The following NDNF variants were observed in gnomAD, a reference collection of about 807,000 sequenced individuals.
The protein encoded by NDNF is neuron derived neurotrophic factor.
A neutral mutation model predicts 42.0 loss-of-function variants in NDNF; 16 were observed. That is an observed-to-expected ratio of 0.38 (90% CI 0.26 to 0.58). The LOEUF is 0.58. NDNF is among the 20% of genes least tolerant of loss of function. The pLI is 0.67. For missense variants in NDNF, 616 were observed against 666.2 expected, an observed-to-expected ratio of 0.92 and a Z score of 0.83; for synonymous variants, 248 against 251.7, an observed-to-expected ratio of 0.99 and a Z score of 0.14.
At chr4:121,039,157 G>GTATATATATATACGTA (rs1726936964) in intron 3 of NDNF, among the ~76,000 whole-genome samples, 2 of 6,452 alleles carry the variant, frequency 3.1e-4, no homozygotes, top group Non-Finnish European at 1.1e-3. Context: ...ATATATATAT[G>GTATATATATATACGTA]TATATATATA....
rs761414056 is a variant in NDNF, at chr4:121,045,745, C to T, written c.93G>A (p.Gln31=). The T allele has an allele frequency of 6.8e-6, 11 of 1,614,068 alleles. No homozygotes were observed. The South Asian group carries it at 1.1e-4, about 16-fold the overall frequency. The change falls in exon 2 of 4, where the codon CAG becomes CAA. Residue 31 remains glutamine, a synonymous_variant. Transcript: ENST00000379692. ...KLPTRDEELF[Q]MQIRDKAFFH... ...AAAATGCCTTGTCCCGGATCTGCAT[C>T]TGAAAAAGTTCCTCATCCCGGGTGG... is the stretch of plus-strand genomic sequence containing the variant.
chr4:121,037,921 A>G (rs1266198620), intron 3 of NDNF: 7 of 349,848 alleles, frequency 2.0e-5, no homozygotes, highest in Non-Finnish European at 3.1e-5. Flanking sequence ...GAGACTGTAA[A>G]CTTTTGAGAC....
At chr4:121,038,691 T>A (rs928199576) in intron 3 of NDNF, among the ~76,000 whole-genome samples, 1 of 152,030 alleles carries the variant, frequency 6.6e-6, no homozygotes. Flanking sequence ...ACAGATATAT[T>A]AACATCAAGA....
chr4:121,058,507 C>T (rs979940833), intron 1 of NDNF, among the ~76,000 whole-genome samples: 2 of 152,238 alleles, frequency 1.3e-5, no homozygotes, highest in East Asian at 1.9e-4. Context: ...CTCCGAGCCT[C>T]GGTTTCCATG....
In NDNF at chr4:121,072,459, C is replaced by G. The variant is rs953423437; in HGVS notation, c.-468G>C. 1 of 151,844 alleles carries G rather than the reference C, an allele frequency of 6.6e-6. No homozygotes were observed. 9.4% of individuals were successfully genotyped at this position (151,844 alleles called of 1,614,324 possible). A position where few individuals can be genotyped will look rare whatever the true frequency, so the allele number is the denominator to read the frequency against. On this transcript the variant is annotated 5_prime_UTR_variant, in exon 1 of 4. Transcript: ENST00000379692. ...CGCGCGGGGTGCTGGGAGAGCCGGG[C>G]GCACGGGGCGGCAGCGGCCGTGGCG...
At chr4:121,044,039 A>G (rs758252803) in intron 2 of NDNF, among the ~76,000 whole-genome samples, 5 of 152,226 alleles carry the variant, frequency 3.3e-5, no homozygotes, top group Non-Finnish European at 5.9e-5. Context: ...TTAAAGATTC[A>G]AAATTATTTT....
At chr4:121,066,578 T>C (rs1212120584) in intron 1 of NDNF, among the ~76,000 whole-genome samples, 1 of 152,228 alleles carries the variant, frequency 6.6e-6, no homozygotes, top group African/African-American at 2.4e-5. Flanking sequence ...TAGGGCATTG[T>C]CTGTCTTGTA....
chr4:121,063,704 G>T (rs554159398), intron 1 of NDNF, among the ~76,000 whole-genome samples: 2 of 152,116 alleles, frequency 1.3e-5, no homozygotes, highest in East Asian at 3.9e-4. Flanking sequence ...GTGTCGGGGG[G>T]GCCATGGGAG....
At chr4:121,062,014 A>C (rs1018436161) in intron 1 of NDNF, among the ~76,000 whole-genome samples, 1 of 152,236 alleles carries the variant, frequency 6.6e-6, no homozygotes. Context: ...TTATCTTCAA[A>C]TAGTGTAAGC....
chr4:121,067,772 G>C (rs908580236), intron 1 of NDNF, among the ~76,000 whole-genome samples: 1 of 152,060 alleles, frequency 6.6e-6, no homozygotes, highest in Non-Finnish European at 1.5e-5. Context: ...TTTTATTGGG[G>C]GAATTAACAT....
At chr4:121,041,003 G>T (rs1367433401) in intron 2 of NDNF, among the ~76,000 whole-genome samples, 1 of 152,154 alleles carries the variant, frequency 6.6e-6, no homozygotes, top group East Asian at 1.9e-4. Flanking sequence ...ACTTTAAAAA[G>T]TAAAGAGCAC....
chr4:121,062,461 T>C (rs903729368), intron 1 of NDNF, among the ~76,000 whole-genome samples: 2 of 152,148 alleles, frequency 1.3e-5, no homozygotes, highest in African/African-American at 4.8e-5. Context: ...TATTTCTGGA[T>C]TAAGAGATGA....
chr4:121,054,427 G>C (rs1037493249), intron 1 of NDNF, among the ~76,000 whole-genome samples: 1 of 152,136 alleles, frequency 6.6e-6, no homozygotes, highest in Non-Finnish European at 1.5e-5. Flanking sequence ...TGTTCTAGTG[G>C]GAGTGACAGG....
chr4:121,059,225 C>A (rs774509751), intron 1 of NDNF, among the ~76,000 whole-genome samples: 5 of 152,110 alleles, frequency 3.3e-5, no homozygotes, highest in African/African-American at 1.2e-4. Context: ...GAAAAGGAAT[C>A]CTACATATAT....
intron 3 of NDNF, 79 bp from the exon 4 acceptor site, chr4:121,037,736 T>A: frequency 9.9e-7 from 1 of 1,013,134 alleles, no homozygotes; most frequent in South Asian, 1.8e-5. Context: ...CCTTTTATCT[T>A]ATTTTTTCTC....
At chr4:121,053,826 A>G (rs981398222) in intron 1 of NDNF, among the ~76,000 whole-genome samples, 3 of 152,212 alleles carry the variant, frequency 2.0e-5, no homozygotes, top group Admixed American at 6.5e-5. Context: ...TTGTTTGGCA[A>G]CTAAGCCTTA....
chr4:121,051,700 A>G (rs1030720810), intron 1 of NDNF, among the ~76,000 whole-genome samples: 13 of 152,222 alleles, frequency 8.5e-5, no homozygotes, highest in African/African-American at 3.1e-4. Flanking sequence ...TCTGGGTTAA[A>G]CCACTGGTTC....
At chr4:121,059,275 G>A (rs1204249456) in intron 1 of NDNF, among the ~76,000 whole-genome samples, 1 of 152,162 alleles carries the variant, frequency 6.6e-6, no homozygotes, top group East Asian at 1.9e-4. Flanking sequence ...TGACCACAGA[G>A]CCCAACATTA....
chr4:121,036,072 TGG>T lies in NDNF; in HGVS notation c.*190_*191del. The T allele has an allele frequency of 1.8e-6, 1 of 553,154 alleles. No homozygotes were observed. 34.3% of individuals were successfully genotyped at this position (553,154 alleles called of 1,614,324 possible). A position where few individuals can be genotyped will look rare whatever the true frequency, so the allele number is the denominator to read the frequency against. On this transcript the variant is annotated 3_prime_UTR_variant, in exon 4 of 4. Coordinates refer to ENST00000379692, the MANE Select transcript of NDNF (RefSeq NM_024574.4). ...GGCATCAGACACACACTAGGTACCA[TGG>T]GGCACGCTAGAACAAGTCTCCTTCA...
Sources: gnomAD v4.1 joint callset for allele counts (sites outside exome capture counted in the v4.1 genomes callset) on GRCh38, gnomAD v4.1.1 for gene constraint, MANE v1.5 for transcripts, NCBI Gene and HGNC (gene_info 2026-07-23, HGNC 2026-07-21) for gene names.